The following MYH15 variants were observed in gnomAD, a reference collection of about 807,000 sequenced individuals.
MYH15 encodes the protein myosin-15.
A neutral mutation model predicts 240.5 loss-of-function variants in MYH15; 227 were observed. The observed-to-expected ratio is 0.94, with a 90% CI of 0.85 to 1.05. The LOEUF (loss-of-function observed/expected upper bound fraction) is 1.05, where lower values mean the gene tolerates loss of function less well. Among genes scored for constraint, MYH15 ranks in the 50% least tolerant of loss-of-function variants. The probability of loss-of-function intolerance (pLI) is 0.00; values close to 1 mark genes in which losing one functional copy is unlikely to be tolerated. For missense variants in MYH15, 2,217 were observed against 2,247.5 expected, an observed-to-expected ratio of 0.99 and a Z score of 0.27; for synonymous variants, 785 against 796.7, an observed-to-expected ratio of 0.99 and a Z score of 0.25.
At chr3:108,400,093 C>T (rs2082492700) in intron 33 of MYH15, among the ~76,000 whole-genome samples, 1 of 152,150 alleles carries the variant, frequency 6.6e-6, no homozygotes, top group Admixed American at 6.5e-5. Context: ...AGGGCTGGCC[C>T]ATAGAAATGT....
chr3:108,532,012 A>C (rs1464654019), upstream of MYH15, among the ~76,000 whole-genome samples: 1 of 152,142 alleles, frequency 6.6e-6, no homozygotes. Context: ...TAGAATAAGT[A>C]ATTTTTAGGG....
intron 16 of MYH15, among the ~76,000 whole-genome samples, chr3:108,460,665 T>C (rs2083064595): frequency 6.6e-6 from 1 of 152,136 alleles, no homozygotes; most frequent in South Asian, 2.1e-4. Flanking sequence ...AGGAGATTAA[T>C]TTATGAGAGA....
intron 11 of MYH15, among the ~76,000 whole-genome samples, chr3:108,480,805 G>A (rs142591235): frequency 1.5e-3 from 228 of 152,286 alleles, no homozygotes; most frequent in African/African-American, 4.9e-3. Context: ...TAGAAAATAT[G>A]CAGCTGAGAG....
At chr3:108,408,156 G>A in intron 32 of MYH15, 124 bp downstream of exon 32, 2 of 1,080,710 alleles carry the variant, frequency 1.9e-6, no homozygotes, top group Non-Finnish European at 2.6e-6. Context: ...ATTTGGCAGA[G>A]TGCCTAGCAT....
At chr3:108,388,342 G>C (rs908892376) in intron 38 of MYH15, among the ~76,000 whole-genome samples, 1 of 152,192 alleles carries the variant, frequency 6.6e-6, no homozygotes, top group South Asian at 2.1e-4. Flanking sequence ...TGAAAATGTA[G>C]ATGATGATAT....
chr3:108,434,190 G>GTTT (rs5851590), intron 25 of MYH15, among the ~76,000 whole-genome samples: 8 of 130,976 alleles, frequency 6.1e-5, no homozygotes, highest in African/African-American at 2.0e-4. Flanking sequence ...ATTGAGAATG[G>GTTT]TTTTTTTTTT....
At chr3:108,516,294 T>G (rs1432458199) in intron 1 of MYH15, among the ~76,000 whole-genome samples, 1 of 152,196 alleles carries the variant, frequency 6.6e-6, no homozygotes, top group African/African-American at 2.4e-5. Flanking sequence ...AGAACAAATA[T>G]TAATATTCCT....
intron 1 of MYH15, among the ~76,000 whole-genome samples, chr3:108,519,747 A>G (rs1016561854): frequency 6.6e-6 from 1 of 152,198 alleles, no homozygotes; most frequent in Admixed American, 6.5e-5. Flanking sequence ...CGATCTGCAT[A>G]ATAGAGTAAC....
At chr3:108,463,454 A>G (rs910465647) in intron 15 of MYH15, among the ~76,000 whole-genome samples, 3 of 151,998 alleles carry the variant, frequency 2.0e-5, no homozygotes, top group Non-Finnish European at 4.4e-5. Context: ...AGCTGGGACT[A>G]TAGGCACATG....
Position 108,500,266 on chromosome 3 carries a change from T to C in MYH15, c.348A>G (p.Ser116=). The C allele has an allele frequency of 2.5e-6, 4 of 1,605,920 alleles. No homozygotes were observed. Among genetic ancestry groups the C allele is most frequent in the South Asian group, 2.2e-5 (2 of 90,134 alleles). ...GGTTTATGGTCACACAGAAGAGACC[T>C]GAATATGTCTGAGGGAAAATCAGAA... is the stretch of plus-strand genomic sequence containing the variant. ...RYGQWMIYTY[S]GLFCVTINPY... Residue 116 remains serine (S), a synonymous_variant, in exon 4 of 41, where the codon TCA becomes TCG. Transcript: ENST00000693548.
upstream of MYH15, among the ~76,000 whole-genome samples, chr3:108,534,018 T>A (rs2083729877): frequency 6.6e-6 from 1 of 152,222 alleles, no homozygotes; most frequent in African/African-American, 2.4e-5. Context: ...TTAAAACGAT[T>A]GACTTATACA....
Position 108,384,672 on chromosome 3 carries a change from TC to T in MYH15, c.5631+14del. ...CTGGGAAATCCATGAGGCTGAAACT[TC>T]CCCAGGCACTCACCGCCACCTCGAC... is the stretch of plus-strand genomic sequence containing the variant. On this transcript the variant is annotated intron_variant, in intron 39 of 40. Coordinates refer to ENST00000693548, the MANE Select transcript of MYH15 (RefSeq NM_014981.3). 2 of 1,608,552 alleles carry T rather than the reference TC, an allele frequency of 1.2e-6. No individual in the cohort carries two copies.
At chr3:108,542,616 G>A in the MYH15 span, among the ~76,000 whole-genome samples, 1 of 152,088 alleles carries the variant, frequency 6.6e-6, no homozygotes. Context: ...AGGTAAGCAT[G>A]TCACATGGTG....
rs1239031481 is a variant in MYH15, at chr3:108,399,056, T to C, written c.4929+19A>G. 2.5e-6 allele frequency: 4 copies of C among 1,607,328 alleles called. No homozygotes were observed. Among genetic ancestry groups the C allele is most frequent in the Admixed American group, 1.7e-5 (1 of 59,712 alleles). ...ACATTTTCCACCCCTCCCTACCCCA[T>C]CTTACAGTTTTAAAATACCTTGATT... is the stretch of plus-strand genomic sequence containing the variant. On this transcript the variant is annotated intron_variant, in intron 34 of 40. Transcript: ENST00000693548.
At chr3:108,438,903 A>C (rs898610497) in intron 24 of MYH15, among the ~76,000 whole-genome samples, 4 of 152,132 alleles carry the variant, frequency 2.6e-5, no homozygotes, top group Admixed American at 6.5e-5. Flanking sequence ...TGTGATGTGC[A>C]TATATAAGCA....
chr3:108,490,468 C>T (rs1273811530), intron 9 of MYH15, among the ~76,000 whole-genome samples: 1 of 152,218 alleles, frequency 6.6e-6, no homozygotes, highest in Non-Finnish European at 1.5e-5. Flanking sequence ...ATCAAATCAG[C>T]GTGTAGTTCT....
At chr3:108,493,619 C>CA (rs1371440333) in intron 7 of MYH15, among the ~76,000 whole-genome samples, 7 of 152,066 alleles carry the variant, frequency 4.6e-5, no homozygotes, top group Admixed American at 2.0e-4. Flanking sequence ...AGATACCGCA[C>CA]AAAAAAAATA....
Position 108,430,917 on chromosome 3 carries a change from T to C in MYH15, c.3227A>G (p.Glu1076Gly), listed in dbSNP as rs1276046275. The change falls in exon 26 of 41, where the codon GAA becomes GGA. Residue 1076 changes from glutamate to glycine, a missense_variant. Physicochemically the swap from Glu to Gly is moderately conservative, Grantham distance 98. Transcript: ENST00000693548. ...TGAATTCATCTGACTCAATTCTAAT[T>C]CTTTTCTGTTTAGAAAAAGATATCA... ...RHLAEELRKKELELSQMNSKV... is the reference protein window; with the variant it reads ...RHLAEELRKKGLELSQMNSKV... 2 of 1,602,752 alleles carry C rather than the reference T, an allele frequency of 1.2e-6. No individual in the cohort carries two copies. The highest frequency in any genetic ancestry group is 1.7e-6 in the Non-Finnish European group (2 of 1,171,778).
chr3:108,491,194 A>C (rs1157684985), intron 9 of MYH15, among the ~76,000 whole-genome samples: 1 of 151,998 alleles, frequency 6.6e-6, no homozygotes, highest in Non-Finnish European at 1.5e-5. Context: ...AGCCTAGATC[A>C]TGTATTCTTT....
Sources: gnomAD v4.1 joint callset for allele counts (sites outside exome capture counted in the v4.1 genomes callset) on GRCh38, gnomAD v4.1.1 for gene constraint, MANE v1.5 for transcripts, NCBI Gene and HGNC (gene_info 2026-07-23, HGNC 2026-07-21) for gene names.